RHCG: variants seen among roughly 807,000 people sequenced by gnomAD.
The protein encoded by RHCG is Rh family C glycoprotein.
In RHCG, 39 loss-of-function variants were observed where a neutral mutation model predicts 55.3. That is an observed-to-expected ratio of 0.70 (90% CI 0.55 to 0.92). The LOEUF is 0.92. Among genes scored for constraint, RHCG ranks in the 40% least tolerant of loss-of-function variants. RHCG has a pLI of 0.00. For missense variants in RHCG, 635 were observed against 627.9 expected (o/e 1.01, Z -0.12); for synonymous variants, 250 against 246.8 (o/e 1.01, Z -0.12).
chr15:89,477,777 G>C lies in RHCG; in HGVS notation c.975+60C>G, dbSNP rs1477110227. 6 of 1,609,046 alleles carry C rather than the reference G, an allele frequency of 3.7e-6. No individual in the cohort carries two copies. The highest frequency in any genetic ancestry group is 2.2e-5 in the South Asian group (2 of 90,642). The stretch of plus-strand genomic sequence containing the variant: ...CCTCCCTAGGAACCCTCAGCTCACT[G>C]TCAGGAACACAAAGACCTCAGCATT... On this transcript the variant is annotated intron_variant, in intron 6 of 10. Transcript: ENST00000268122. This position sits in a 1 kb window ranked among gnomAD's most constrained non-coding sequence, Gnocchi z 4.5.
Position 89,472,799 on chromosome 15 carries a change from G to A in RHCG, c.1376C>T (p.Ser459Leu). ...EDPTFKPSGP[S>L]VPSVPMVSPL... ...GGACACCATGGGTACTGAGGGTACT[G>A]AGGGTCCTGAGGGCTTGAAGGTGGG... The change falls in exon 10 of 11, where the codon TCA (serine) becomes TTA (leucine). Residue 459 changes from serine to leucine, a missense_variant. By Grantham distance (145) the Ser-to-Leu change is moderately radical. Transcript: ENST00000268122. The A allele has an allele frequency of 1.3e-6, 2 of 1,559,250 alleles. No individual in the cohort carries two copies. Among genetic ancestry groups the A allele is most frequent in the Non-Finnish European group, 1.7e-6 (2 of 1,151,056 alleles).
intron 1 of RHCG, among the ~76,000 whole-genome samples, chr15:89,492,337 G>T (rs1189496859): frequency 6.6e-6 from 1 of 152,140 alleles, no homozygotes; most frequent in African/African-American, 2.4e-5. Flanking sequence ...CCACACTAAT[G>T]GGCCTCTGCA....
chr15:89,480,441 C>A (rs1461515497), intron 3 of RHCG, 33 bp from the exon 4 acceptor site: 1 of 1,598,206 alleles, frequency 6.3e-7, no homozygotes, highest in Non-Finnish European at 8.5e-7. Context: ...GACTCTGGCA[C>A]CTTCTCTCCC....
chr15:89,480,543 G>A, intron 3 of RHCG, 135 bp from the exon 4 acceptor site: 5 of 1,003,066 alleles, frequency 5.0e-6, no homozygotes, highest in Non-Finnish European at 7.4e-6. Flanking sequence ...ATGGAGCCTG[G>A]GGCCTTCACG....
In RHCG at chr15:89,477,310, C is replaced by A. The variant is rs553991538; in HGVS notation, c.1113-104G>T. 6 of 1,501,846 alleles carry A rather than the reference C, an allele frequency of 4.0e-6. 1 individual carries two copies. The South Asian group carries it at 7.2e-5, about 18-fold the overall frequency. The allele number at this position is 1,501,846 out of a possible 1,614,324, so 93.0% of individuals were successfully genotyped here. On this transcript the variant is annotated intron_variant, in intron 7 of 10. Transcript: ENST00000268122. This position sits in a 1 kb window ranked among gnomAD's most constrained non-coding sequence, Gnocchi z 4.5. ...CGGGTACCACGGGCCTCAGCCTTCC[C>A]ACCCACAACATGGGGACACCGGACA... is the stretch of plus-strand genomic sequence containing the variant.
Position 89,472,644 on chromosome 15 carries a change from G to C in RHCG, c.*24+67C>G, listed in dbSNP as rs1055780979. The C allele has an allele frequency of 2.7e-6, 4 of 1,480,844 alleles. No homozygotes were observed. In the Admixed American group the frequency reaches 7.8e-5, roughly 29 times the overall value. 91.7% of individuals were successfully genotyped at this position (1,480,844 alleles called of 1,614,324 possible). Reference sequence around the variant, plus strand: ...TTTTGCCTCTTTGCTAGTAACATCTGATTCTGAGAGCTGGGCCCCCACTGG... The same window carrying C: ...TTTTGCCTCTTTGCTAGTAACATCTCATTCTGAGAGCTGGGCCCCCACTGG... On this transcript the variant is annotated intron_variant, in intron 10 of 10. Transcript: ENST00000268122.
chr15:89,480,169 T>C (rs1031407965), intron 4 of RHCG, 92 bp downstream of exon 4: 1 of 1,530,840 alleles, frequency 6.5e-7, no homozygotes, highest in African/African-American at 1.4e-5. Flanking sequence ...CCTTCACCCA[T>C]CATGGTGGCC....
At chr15:89,486,358 C>A (rs1332332150) in intron 2 of RHCG, 3 of 456,582 alleles carry the variant, frequency 6.6e-6, no homozygotes, top group African/African-American at 6.0e-5. Context: ...CCACCAGAGT[C>A]CCGTGGGCTG....
intron 3 of RHCG, among the ~76,000 whole-genome samples, chr15:89,481,952 C>A (rs773374921): frequency 9.2e-5 from 14 of 152,160 alleles, no homozygotes; most frequent in Non-Finnish European, 1.9e-4. Flanking sequence ...CAGGCATGCG[C>A]CACTACACCC....
At position 89,482,410 on chromosome 15, in the gene RHCG, C is replaced by T. The variant is rs114233212; in HGVS notation, c.522+657G>A. Among the ~76,000 whole-genome samples, 1,431 of 152,228 alleles carry T rather than the reference C, an allele frequency of 9.4e-3. 29 individuals are homozygous for T. The highest frequency in any genetic ancestry group is 0.033 in the African/African-American group (1,375 of 41,534). ...AATGAATGACTGAATTTAGGGTGAC[C>T]TAAATCACTCCCTGCCAAGGAGGGG... On this transcript the variant is annotated intron_variant, in intron 3 of 10. Coordinates refer to ENST00000268122, the MANE Select transcript of RHCG (RefSeq NM_016321.3).
chr15:89,477,950 C>A lies in RHCG; in HGVS notation c.862G>T (p.Ala288Ser). 6.2e-7 allele frequency: 1 copy of A among 1,609,836 alleles called. No homozygotes were observed. The highest frequency in any genetic ancestry group is 8.5e-7 in the Non-Finnish European group (1 of 1,177,058). The change falls in exon 6 of 11, where the codon GCA (alanine) becomes TCA (serine). Residue 288 changes from alanine to serine, a missense_variant. Coordinates refer to ENST00000268122, the MANE Select transcript of RHCG (RefSeq NM_016321.3). This position sits in a 1 kb window ranked among gnomAD's most constrained non-coding sequence, Gnocchi z 4.5. ...DMVHIQNATLAGGVAVGTAAE... is the reference protein window; with the variant it reads ...DMVHIQNATLSGGVAVGTAAE... ...GCGGTACCCACGGCCACCCCTCCTG[C>A]GAGCGTGGCATTCTGGATGTGCACC...
chr15:89,477,455 G>A lies in RHCG; in HGVS notation c.1112+62C>T, dbSNP rs1961172723. 3 of 1,595,896 alleles carry A rather than the reference G, an allele frequency of 1.9e-6. No individual in the cohort carries two copies. The highest frequency in any genetic ancestry group is 2.6e-6 in the Non-Finnish European group (3 of 1,169,766). On this transcript the variant is annotated intron_variant, in intron 7 of 10. Transcript: ENST00000268122. The surrounding 1 kb of genome is among the most constrained non-coding windows in gnomAD (Gnocchi z 4.5). ...GCAGTCGGGTCCCAGAGGAATAGCA[G>A]GAAGAAGGGATGGGAGAAGGAAGGG...
intron 1 of RHCG, among the ~76,000 whole-genome samples, chr15:89,488,779 G>T (rs546092629): frequency 2.6e-5 from 4 of 151,682 alleles, no homozygotes; most frequent in Admixed American, 1.3e-4. Flanking sequence ...AGAATGGGGG[G>T]GGGGGAGTGC....
chr15:89,494,072 CT>C (rs138370639), intron 1 of RHCG, among the ~76,000 whole-genome samples: 16,782 of 152,114 alleles, frequency 0.11, 1,128 homozygotes, highest in Non-Finnish European at 0.14. Flanking sequence ...GGCTCTCCCC[CT>C]GTTAGCATCC....
At position 89,484,104 on chromosome 15, in the gene RHCG, T is replaced by G. The variant is rs554458584; in HGVS notation, c.372-887A>C. 5.3e-5 allele frequency among the ~76,000 whole-genome samples: 8 copies of G among 152,104 alleles called. No homozygotes were observed. The East Asian group carries it at 1.6e-3, about 30-fold the overall frequency. On this transcript the variant is annotated intron_variant, in intron 2 of 10. Coordinates refer to ENST00000268122, the MANE Select transcript of RHCG (RefSeq NM_016321.3). The stretch of plus-strand genomic sequence containing the variant: ...TGGGGTGGGTGGGGGGTCTGTCACA[T>G]CTAGAAAGGACTCCCTTCCCCTTCC...
chr15:89,481,404 C>A (rs1961264458), intron 3 of RHCG, among the ~76,000 whole-genome samples: 1 of 151,264 alleles, frequency 6.6e-6, no homozygotes, highest in South Asian at 2.1e-4. Context: ...GAGCTGAGAT[C>A]ATGCCACTGC....
At chr15:89,472,689 C>A in intron 10 of RHCG, 22 bp downstream of exon 10, 1 of 1,598,780 alleles carries the variant, frequency 6.3e-7, no homozygotes, top group Middle Eastern at 1.7e-4. Flanking sequence ...CCTGTCATCC[C>A]CCAAGCCAAG....
intron 1 of RHCG, 88 bp from the exon 2 acceptor site, chr15:89,487,073 C>T (rs1453076056): frequency 8.1e-7 from 1 of 1,239,504 alleles, no homozygotes; most frequent in Non-Finnish European, 1.1e-6. Flanking sequence ...GGGGTAGCCC[C>T]TCAGTCTTCC....
chr15:89,484,779 CAAAA>C (rs59658119), intron 2 of RHCG, among the ~76,000 whole-genome samples: 10 of 101,390 alleles, frequency 9.9e-5, no homozygotes, highest in East Asian at 3.0e-4. Context: ...AACTCAGTCT[CAAAA>C]AAAAAAAAAA....
Sources: gnomAD v4.1 joint callset for allele counts (sites outside exome capture counted in the v4.1 genomes callset) on GRCh38, gnomAD v4.1.1 for gene constraint, Gnocchi (gnomAD v3.1) non-coding constraint, MANE v1.5 for transcripts, NCBI Gene and HGNC (gene_info 2026-07-23, HGNC 2026-07-21) for gene names.